FADS2: variants seen among roughly 807,000 people sequenced by gnomAD.
The protein encoded by FADS2 is fatty acid desaturase 2, also known as acyl-CoA 6-desaturase.
In FADS2, 18 loss-of-function variants were observed where a neutral mutation model predicts 61.2. That is an observed-to-expected ratio of 0.29 (90% CI 0.20 to 0.44). The LOEUF is 0.44. Among genes scored for constraint, FADS2 ranks in the 20% least tolerant of loss-of-function variants. The probability of loss-of-function intolerance (pLI) is 1.00; values close to 1 mark genes in which losing one functional copy is unlikely to be tolerated. For synonymous variants in FADS2, 203 were observed against 223.9 expected (o/e 0.91, Z 0.83); for missense variants, 322 against 572.7 (o/e 0.56, Z 4.47).
Position 61,837,763 on chromosome 11 carries a change from C to A in FADS2, c.208-15C>A. 1 of 1,578,278 alleles carries A rather than the reference C, an allele frequency of 6.3e-7. No individual in the cohort carries two copies. Among genetic ancestry groups the A allele is most frequent in the East Asian group, 2.3e-5 (1 of 43,866 alleles). ...AGTTCAGGTCTTAGCCTCATCACTG[C>A]CCTCTGCTCTCCAGGATGCCTTCCG... On this transcript the variant is annotated splice_polypyrimidine_tract_variant and intron_variant, in intron 1 of 11. Coordinates refer to ENST00000278840, the MANE Select transcript of FADS2 (RefSeq NM_004265.4).
At chr11:61,842,846 GA>G (rs980912835) in intron 4 of FADS2, among the ~76,000 whole-genome samples, 2 of 152,228 alleles carry the variant, frequency 1.3e-5, no homozygotes, top group Non-Finnish European at 1.5e-5. Context: ...CCATCACTGG[GA>G]AAAAGGGGAC....
chr11:61,858,500 T>G (rs891853860), intron 7 of FADS2, among the ~76,000 whole-genome samples: 1 of 152,140 alleles, frequency 6.6e-6, no homozygotes, highest in African/African-American at 2.4e-5. Context: ...TTTCTTTTTT[T>G]CTTCACCAAA....
At chr11:61,857,720 C>G (rs1362406564) in intron 7 of FADS2, among the ~76,000 whole-genome samples, 190 bp downstream of exon 7, 2 of 152,180 alleles carry the variant, frequency 1.3e-5, no homozygotes, top group Non-Finnish European at 2.9e-5. Context: ...CTAAAGATCT[C>G]TACTCTCCCT....
intron 2 of FADS2, 62 bp from the exon 3 acceptor site, chr11:61,840,272 G>A: frequency 1.4e-6 from 2 of 1,386,162 alleles, no homozygotes; most frequent in Non-Finnish European, 2.1e-6. Context: ...GGCAGCTCGA[G>A]ACATATGTTC....
chr11:61,825,972 G>T (rs1163690453), upstream of FADS2: 3 of 667,500 alleles, frequency 4.5e-6, no homozygotes, highest in East Asian at 2.7e-5. Context: ...CTTAATTCAG[G>T]CCTCCCCTCC....
Position 61,865,736 on chromosome 11 carries a change from A to T in FADS2, c.*47A>T. The T allele has an allele frequency of 1.3e-6, 2 of 1,534,902 alleles. No homozygotes were observed. The highest frequency in any genetic ancestry group is 1.8e-6 in the Non-Finnish European group (2 of 1,116,154). Reference sequence around the variant, plus strand: ...GTGGGGAAGGGGTGCAGGTGGGGTGATGGCCAGAGGAATGATGGGCTTTTG... The same window carrying T: ...GTGGGGAAGGGGTGCAGGTGGGGTGTTGGCCAGAGGAATGATGGGCTTTTG... On this transcript the variant is annotated 3_prime_UTR_variant, in exon 12 of 12. Coordinates refer to ENST00000278840, the MANE Select transcript of FADS2 (RefSeq NM_004265.4). The surrounding 1 kb of genome is among the most constrained non-coding windows in gnomAD (Gnocchi z 4.1).
At chr11:61,843,730 C>T (rs1220449228) in intron 4 of FADS2, among the ~76,000 whole-genome samples, 1 of 152,198 alleles carries the variant, frequency 6.6e-6, no homozygotes, top group African/African-American at 2.4e-5. Flanking sequence ...GTGATCTCAA[C>T]TCACTGAAAC....
intron 4 of FADS2, among the ~76,000 whole-genome samples, chr11:61,845,839 C>CA (rs1375398431): frequency 1.3e-5 from 2 of 149,020 alleles, no homozygotes; most frequent in African/African-American, 4.9e-5. Flanking sequence ...GTAGCATGAA[C>CA]AAAAAATGCT....
At chr11:61,822,587 G>T (rs1389132508) in intron 1 of FADS2, among the ~76,000 whole-genome samples, 1 of 152,200 alleles carries the variant, frequency 6.6e-6, no homozygotes, top group Non-Finnish European at 1.5e-5. Context: ...GAGAAGGGAG[G>T]CCTGGGTAGG....
chr11:61,862,987 G>A lies in FADS2; in HGVS notation c.898G>A (p.Val300Ile), dbSNP rs763142932. ...TTCCCCGCAGGACCTGGCCTGGGCC[G>A]TCAGCTACTACATCCGGTTCTTCAT... Reference protein sequence around the residue: ...HKNWVDLAWAVSYYIRFFITY... With the variant: ...HKNWVDLAWAISYYIRFFITY... The change falls in exon 8 of 12, where the codon GTC becomes ATC. Residue 300 changes from valine to isoleucine, a missense_variant. By Grantham distance (29) the Val-to-Ile change is conservative. Around this residue, in one of 3 missense-constraint regions of FADS2, gnomAD observed 221 missense variants for 427.9 expected, o/e 0.52. Coordinates refer to ENST00000278840, the MANE Select transcript of FADS2 (RefSeq NM_004265.4). 3.1e-6 allele frequency: 5 copies of A among 1,614,052 alleles called. No homozygotes were observed. The highest frequency in any genetic ancestry group is 4.2e-6 in the Non-Finnish European group (5 of 1,180,014).
chr11:61,852,662 G>A (rs1351692837), intron 5 of FADS2, among the ~76,000 whole-genome samples: 1 of 152,138 alleles, frequency 6.6e-6, no homozygotes, highest in Non-Finnish European at 1.5e-5. Flanking sequence ...TCCAGTACTC[G>A]GGAAAGCAGT....
Position 61,865,423 on chromosome 11 carries a change from C to A in FADS2, c.1283+146C>A, listed in dbSNP as rs149261114. ...CGAGCCTGTGTTAGGAGCTGTTGGG[C>A]TTTTCTCCCTGGGCTGCGAGAAGAC... On this transcript the variant is annotated intron_variant, in intron 11 of 11. Transcript: ENST00000278840. The surrounding 1 kb of genome is among the most constrained non-coding windows in gnomAD (Gnocchi z 4.1). The A allele has an allele frequency of 2.7e-6, 3 of 1,106,080 alleles. No homozygotes were observed. Among genetic ancestry groups the A allele is most frequent in the East Asian group, 2.6e-5 (1 of 38,628 alleles). 68.5% of individuals were successfully genotyped at this position (1,106,080 alleles called of 1,614,324 possible).
In FADS2 at chr11:61,863,724, C is replaced by T. The variant is rs906221345; in HGVS notation, c.1095C>T (p.Asn365=). 3 of 1,614,078 alleles carry T rather than the reference C, an allele frequency of 1.9e-6. No individual in the cohort carries two copies. The highest frequency in any genetic ancestry group is 1.7e-5 in the Admixed American group (1 of 60,034). ...WFSSQLTATC[N]VEQSFFNDWF... ...ACTGACAGCTGACAGCCACCTGCAA[C>T]GTGGAGCAGTCCTTCTTCAACGACT... Residue 365 remains asparagine, a synonymous_variant, in exon 10 of 12, where the codon AAC becomes AAT. Coordinates refer to ENST00000278840, the MANE Select transcript of FADS2 (RefSeq NM_004265.4).
chr11:61,834,986 C>G (rs1464133855), intron 1 of FADS2, among the ~76,000 whole-genome samples: 7 of 135,812 alleles, frequency 5.2e-5, no homozygotes, highest in African/African-American at 1.1e-4. Flanking sequence ...TGCCTGCCCC[C>G]CCACCCCAGC....
intron 5 of FADS2, chr11:61,854,096 G>T (rs985201964): frequency 6.6e-6 from 1 of 152,302 alleles, no homozygotes; most frequent in Admixed American, 6.5e-5. Context: ...TGATCAGGGG[G>T]AGGTCCATGT....
intron 4 of FADS2, chr11:61,847,148 G>C (rs1003873212): frequency 6.6e-6 from 1 of 151,990 alleles, no homozygotes; most frequent in East Asian, 1.9e-4. Flanking sequence ...TGCCCAGGCT[G>C]GTCTCAAACT....
intron 1 of FADS2, among the ~76,000 whole-genome samples, chr11:61,822,859 C>T (rs1257004895): frequency 2.0e-5 from 3 of 152,160 alleles, no homozygotes; most frequent in South Asian, 2.1e-4. Context: ...GTAGAAGTTT[C>T]GCTTGTATAA....
At chr11:61,863,606 C>A in intron 9 of FADS2, 101 bp from the exon 10 acceptor site, 1 of 991,378 alleles carries the variant, frequency 1.0e-6, no homozygotes, top group Non-Finnish European at 1.6e-6. Flanking sequence ...ATGATGTGGA[C>A]GGGTGGCCTG....
chr11:61,837,720 G>C, intron 1 of FADS2, 58 bp from the exon 2 acceptor site: 1 of 1,232,868 alleles, frequency 8.1e-7, no homozygotes, highest in Non-Finnish European at 1.2e-6. Flanking sequence ...GTCCTCCTTG[G>C]GGCCCAAGAG....
Sources: allele counts gnomAD v4.1 joint callset (sites outside exome capture counted in the v4.1 genomes callset), GRCh38; gene constraint gnomAD v4.1.1; regional missense constraint gnomAD v4.1.1; non-coding constraint Gnocchi (gnomAD v3.1); transcripts MANE v1.5; gene names NCBI Gene and HGNC (gene_info 2026-07-23, HGNC 2026-07-21).